Variants in CFAP20DC observed in about 807,000 individuals in gnomAD.
The protein encoded by CFAP20DC is CFAP20 domain containing.
In CFAP20DC, 84 loss-of-function variants were observed where a neutral mutation model predicts 101.7. That is an observed-to-expected ratio of 0.83 (90% CI 0.69 to 0.99). CFAP20DC has a LOEUF of 0.99. Ranked by LOEUF, CFAP20DC falls within the 50% of genes least tolerant of loss-of-function variation. CFAP20DC has a pLI of 0.00. For missense variants in CFAP20DC, 1,007 were observed against 970.3 expected, an observed-to-expected ratio of 1.04 and a Z score of -0.50; for synonymous variants, 359 against 351.2, an observed-to-expected ratio of 1.02 and a Z score of -0.25.
At position 58,742,406 on chromosome 3, in the gene CFAP20DC, A is replaced by C; in HGVS notation, c.*54T>G. ...TGTGGTGACTCCTTAAGCGACCCTG[A>C]ACTGCTATTCTGCTCCAGCTGGGAG... On this transcript the variant is annotated 3_prime_UTR_variant, in exon 17 of 17. Coordinates refer to ENST00000482387, the MANE Select transcript of CFAP20DC (RefSeq NM_001394063.1). 1 of 1,512,552 alleles carries C rather than the reference A, an allele frequency of 6.6e-7. No individual in the cohort carries two copies. The highest frequency in any genetic ancestry group is 1.4e-5 in the South Asian group (1 of 71,160). The allele number at this position is 1,512,552 out of a possible 1,614,324, so 93.7% of individuals were successfully genotyped here. A position where few individuals can be genotyped will look rare whatever the true frequency, so the allele number is the denominator to read the frequency against.
At chr3:58,931,287 G>C (rs563872805) in intron 5 of CFAP20DC, among the ~76,000 whole-genome samples, 1 of 152,308 alleles carries the variant, frequency 6.6e-6, no homozygotes, top group East Asian at 1.9e-4. Context: ...ACTGGGTGGA[G>C]ACCACCACAA....
chr3:58,742,868 G>C (rs185677940), intron 16 of CFAP20DC, among the ~76,000 whole-genome samples: 1 of 152,274 alleles, frequency 6.6e-6, no homozygotes, highest in African/African-American at 2.4e-5. Flanking sequence ...AAAGACTTAA[G>C]AGTTATGCTT....
intron 13 of CFAP20DC, among the ~76,000 whole-genome samples, chr3:58,836,430 G>T (rs1224157558): frequency 6.6e-6 from 1 of 152,150 alleles, no homozygotes; most frequent in East Asian, 1.9e-4. Context: ...AACATCTGAT[G>T]ATAGAACTTT....
chr3:58,801,050 T>TGAGAGAGAGA (rs143776206), intron 15 of CFAP20DC, among the ~76,000 whole-genome samples: 1,546 of 131,666 alleles, frequency 0.012, 30 homozygotes, highest in African/African-American at 0.046. Flanking sequence ...GGGGAGTAAG[T>TGAGAGAGAGA]GAGAGAGAGA....
chr3:58,880,905 A>T (rs2081185035), intron 7 of CFAP20DC, among the ~76,000 whole-genome samples: 1 of 152,192 alleles, frequency 6.6e-6, no homozygotes, highest in Non-Finnish European at 1.5e-5. Flanking sequence ...ATCTTTAACC[A>T]ACAATCCTAA....
At position 58,774,822 on chromosome 3, in the gene CFAP20DC, A is replaced by C. The variant is rs138543989; in HGVS notation, c.2238-20959T>G. Among the ~76,000 whole-genome samples, 1,360 of 152,354 alleles carry C rather than the reference A, an allele frequency of 8.9e-3. 12 individuals are homozygous for C. Among genetic ancestry groups the C allele is most frequent in the South Asian group, 0.031 (149 of 4,832 alleles). On this transcript the variant is annotated intron_variant, in intron 15 of 16. Coordinates refer to ENST00000482387, the MANE Select transcript of CFAP20DC (RefSeq NM_001394063.1). ...TAATGGTGTGTTTCTCACTCTTAAA[A>C]ATCACAGTTTTAGCTATAAAGTGAT...
At chr3:58,911,150 T>C (rs2084110155) in intron 6 of CFAP20DC, among the ~76,000 whole-genome samples, 1 of 152,124 alleles carries the variant, frequency 6.6e-6, no homozygotes, top group Non-Finnish European at 1.5e-5. Context: ...TGCTCTGAGA[T>C]AAATGCCTAC....
chr3:58,790,962 T>C (rs1416983699), intron 15 of CFAP20DC, among the ~76,000 whole-genome samples: 1 of 152,160 alleles, frequency 6.6e-6, no homozygotes, highest in African/African-American at 2.4e-5. Flanking sequence ...CTACTTATTG[T>C]TCTGGAAACA....
chr3:59,029,485 G>C (rs1444431695), intron 4 of CFAP20DC, among the ~76,000 whole-genome samples: 1 of 151,976 alleles, frequency 6.6e-6, no homozygotes. Flanking sequence ...AAAGAGATGG[G>C]GACAGAAACC....
intron 15 of CFAP20DC, among the ~76,000 whole-genome samples, chr3:58,766,006 C>T (rs2070275118): frequency 6.6e-6 from 1 of 151,996 alleles, no homozygotes; most frequent in African/African-American, 2.4e-5. Context: ...AGTCTAAAGC[C>T]CATATGTGAA....
intron 6 of CFAP20DC, among the ~76,000 whole-genome samples, chr3:58,911,337 C>T (rs1456291795): frequency 6.6e-6 from 1 of 151,980 alleles, no homozygotes; most frequent in Non-Finnish European, 1.5e-5. Context: ...ATGTTTAGTA[C>T]AAGAATGCAT....
At chr3:58,773,341 C>T (rs1189694621) in intron 15 of CFAP20DC, among the ~76,000 whole-genome samples, 6 of 148,794 alleles carry the variant, frequency 4.0e-5, no homozygotes, top group Non-Finnish European at 8.9e-5. Context: ...ACTTATGCCC[C>T]GGAGTTCAAG....
chr3:58,905,626 T>A (rs920902589), intron 6 of CFAP20DC, among the ~76,000 whole-genome samples: 16 of 152,054 alleles, frequency 1.1e-4, no homozygotes, highest in African/African-American at 3.9e-4. Context: ...CTTGGGTGAG[T>A]TTAAGAAGTT....
chr3:58,961,244 G>A (rs899855396), intron 4 of CFAP20DC, among the ~76,000 whole-genome samples: 14 of 152,222 alleles, frequency 9.2e-5, no homozygotes, highest in East Asian at 3.9e-4. Flanking sequence ...GGATAATAGC[G>A]GTCTCATAAT....
At chr3:59,033,032 C>T (rs1197550388) in intron 4 of CFAP20DC, among the ~76,000 whole-genome samples, 1 of 152,098 alleles carries the variant, frequency 6.6e-6, no homozygotes, top group Non-Finnish European at 1.5e-5. Flanking sequence ...GTTCTGCAGC[C>T]TCCACTGGTG....
chr3:58,846,739 G>A (rs1431434484), intron 13 of CFAP20DC, among the ~76,000 whole-genome samples: 3 of 148,146 alleles, frequency 2.0e-5, no homozygotes, highest in African/African-American at 5.0e-5. Context: ...AAAGCTGGAG[G>A]CATCACACTA....
intron 14 of CFAP20DC, among the ~76,000 whole-genome samples, chr3:58,828,522 T>C (rs1391046288): frequency 6.6e-6 from 1 of 152,144 alleles, no homozygotes; most frequent in Non-Finnish European, 1.5e-5. Context: ...CTGGAGGCCA[T>C]TATCCTAAGC....
intron 15 of CFAP20DC, among the ~76,000 whole-genome samples, chr3:58,758,151 G>A (rs1208776025): frequency 2.0e-5 from 3 of 151,956 alleles, no homozygotes; most frequent in Non-Finnish European, 4.4e-5. Context: ...TTGTTTGTTT[G>A]TTTTGTTTTT....
At chr3:58,814,379 G>A (rs182742140) in intron 14 of CFAP20DC, among the ~76,000 whole-genome samples, 1 of 151,730 alleles carries the variant, frequency 6.6e-6, no homozygotes, top group African/African-American at 2.4e-5. Context: ...AGCTATCTAT[G>A]ACAAACCCAC....
Sources: allele counts gnomAD v4.1 joint callset (sites outside exome capture counted in the v4.1 genomes callset), GRCh38; gene constraint gnomAD v4.1.1; transcripts MANE v1.5; gene names NCBI Gene and HGNC (gene_info 2026-07-23, HGNC 2026-07-21).